Variants in TTC17 observed in about 807,000 individuals in gnomAD.
The protein encoded by TTC17 is tetratricopeptide repeat protein 17.
Under a neutral mutation model 143.8 loss-of-function variants are expected in TTC17, and 58 were observed. The observed-to-expected ratio is 0.40, with a 90% CI of 0.33 to 0.50. TTC17 has a LOEUF of 0.50. Ranked by LOEUF, TTC17 falls within the 20% of genes least tolerant of loss-of-function variation. The pLI, the probability that TTC17 is intolerant of heterozygous loss-of-function variation, is 0.49. For missense variants in TTC17, 1,273 were observed against 1,392.5 expected (o/e 0.91, Z 1.37); for synonymous variants, 501 against 497.8 (o/e 1.01, Z -0.09).
intron 2 of TTC17, among the ~76,000 whole-genome samples, chr11:43,383,406 C>T (rs1280435744): frequency 1.3e-5 from 2 of 152,100 alleles, no homozygotes; most frequent in Non-Finnish European, 2.9e-5. Flanking sequence ...GGCTGGGGTG[C>T]GATGGCGCAA....
At chr11:43,433,259 A>G (rs1484327934) in intron 16 of TTC17, among the ~76,000 whole-genome samples, 1 of 152,148 alleles carries the variant, frequency 6.6e-6, no homozygotes, top group Non-Finnish European at 1.5e-5. Context: ...TCAGCCTCCC[A>G]AAGTGCTGGA....
intron 15 of TTC17, among the ~76,000 whole-genome samples, chr11:43,414,136 T>C (rs1488880189): frequency 1.3e-5 from 2 of 152,130 alleles, no homozygotes; most frequent in East Asian, 3.9e-4. Flanking sequence ...GAAGCATGAA[T>C]GAATTTTAGA....
At chr11:43,444,617 A>G (rs1407632320) in intron 18 of TTC17, 2 of 156,730 alleles carry the variant, frequency 1.3e-5, no homozygotes, top group Non-Finnish European at 2.8e-5. Flanking sequence ...ATATATGATA[A>G]GCAGAGGGTA....
At chr11:43,368,452 A>T (rs926312451) in intron 1 of TTC17, among the ~76,000 whole-genome samples, 5 of 152,114 alleles carry the variant, frequency 3.3e-5, no homozygotes, top group Admixed American at 2.6e-4. Context: ...AAATTTTGGT[A>T]TCTTCTTGAC....
chr11:43,470,451 A>G (rs1309110586), intron 21 of TTC17, among the ~76,000 whole-genome samples: 3 of 152,222 alleles, frequency 2.0e-5, no homozygotes, highest in Non-Finnish European at 2.9e-5. Context: ...GGAGAGGGAC[A>G]TGGCTTGGCT....
chr11:43,477,838 TTGA>T (rs1423672852), intron 21 of TTC17, among the ~76,000 whole-genome samples: 5 of 152,130 alleles, frequency 3.3e-5, no homozygotes, highest in Non-Finnish European at 7.4e-5. Flanking sequence ...GGATAAGCAA[TTGA>T]TGAGGGAAAG....
chr11:43,461,370 G>A (rs1369060217), intron 21 of TTC17, among the ~76,000 whole-genome samples: 7 of 115,692 alleles, frequency 6.1e-5, no homozygotes, highest in South Asian at 2.8e-4. Context: ...CGGCCTGGGC[G>A]ACAGAGCGAA....
intron 15 of TTC17, among the ~76,000 whole-genome samples, chr11:43,408,751 T>G (rs555448964): frequency 6.6e-6 from 1 of 152,132 alleles, no homozygotes. Context: ...ATACCTTTTT[T>G]TTTTCTTTGA....
chr11:43,476,708 A>C (rs1476311603), intron 21 of TTC17, among the ~76,000 whole-genome samples: 1 of 152,224 alleles, frequency 6.6e-6, no homozygotes, highest in East Asian at 1.9e-4. Flanking sequence ...TGCACGCAGC[A>C]CGGGGACCCT....
chr11:43,425,143 C>A (rs1946996512), intron 16 of TTC17, among the ~76,000 whole-genome samples: 1 of 152,018 alleles, frequency 6.6e-6, no homozygotes, highest in Admixed American at 6.6e-5. Context: ...AGCATTTATA[C>A]AACTCTTCTC....
intron 21 of TTC17, among the ~76,000 whole-genome samples, chr11:43,467,537 T>C (rs1392360060): frequency 1.3e-5 from 2 of 152,206 alleles, no homozygotes; most frequent in Non-Finnish European, 1.5e-5. Context: ...TGAAAAGTTG[T>C]TTAATGGATA....
intron 16 of TTC17, among the ~76,000 whole-genome samples, chr11:43,436,620 C>T (rs2134702903): frequency 6.6e-6 from 1 of 152,204 alleles, no homozygotes; most frequent in East Asian, 1.9e-4. Context: ...AGATAAGTTG[C>T]TTTTACATTA....
Position 43,436,187 on chromosome 11 carries a change from G to C in TTC17, c.2252-7138G>C, listed in dbSNP as rs151244283. The C allele has an allele frequency of 1.2e-4, 173 of 1,430,192 alleles. 2 individuals are homozygous for C. In the East Asian group the frequency reaches 4.3e-3, roughly 36 times the overall value. 88.6% of individuals were successfully genotyped at this position (1,430,192 alleles called of 1,614,324 possible). ...AGGTAATTGTCATGAGAAAACCCTGGACAACAGCCATGACAAACAGAAATA... is the reference window on the plus strand; with the variant it reads ...AGGTAATTGTCATGAGAAAACCCTGCACAACAGCCATGACAAACAGAAATA... On this transcript the variant is annotated intron_variant, in intron 16 of 23. Coordinates refer to ENST00000039989, the MANE Select transcript of TTC17 (RefSeq NM_018259.6).
rs1330599536 is a variant in TTC17 at position 43,414,612 on chromosome 11, G to C, written c.2087G>C (p.Gly696Ala). Reference sequence around the variant, plus strand: ...CAGCCTCTGACCTTTTTGAGCCTGGGAAATGCTTACCTTGCTCTGAAGAAT... The same window carrying C: ...CAGCCTCTGACCTTTTTGAGCCTGGCAAATGCTTACCTTGCTCTGAAGAAT... ...SSEPLTFLSL[G>A]NAYLALKNIS... Residue 696 changes from glycine (G) to alanine (A), a missense_variant, in exon 16 of 24, where the codon GGA becomes GCA. Transcript: ENST00000039989. The C allele has an allele frequency of 3.7e-6, 6 of 1,603,718 alleles. No homozygotes were observed. The highest frequency in any genetic ancestry group is 5.1e-6 in the Non-Finnish European group (6 of 1,176,264).
In TTC17 at chr11:43,494,051, GGTTT is replaced by G. The variant is rs1446100324; in HGVS notation, c.*152_*155del. On this transcript the variant is annotated 3_prime_UTR_variant, in exon 24 of 24. Transcript: ENST00000039989. ...CAGGACTTTTACATATGTGGGAATT[GGTTT>G]GTTTTTGTTTTTACGTTTCTCCTTT... The G allele has an allele frequency of 2.4e-6, 3 of 1,225,042 alleles. No individual in the cohort carries two copies. Among genetic ancestry groups the G allele is most frequent in the Non-Finnish European group, 3.3e-6 (3 of 915,328 alleles). 75.9% of individuals were successfully genotyped at this position (1,225,042 alleles called of 1,614,324 possible).
intron 14 of TTC17, 41 bp downstream of exon 14, chr11:43,407,256 T>C: frequency 1.3e-6 from 2 of 1,558,382 alleles, no homozygotes; most frequent in East Asian, 2.2e-5. Context: ...TAAATGCTTC[T>C]TAATTATAAG....
intron 5 of TTC17, chr11:43,396,036 C>G (rs886185567): frequency 2.0e-5 from 3 of 151,868 alleles, no homozygotes; most frequent in Non-Finnish European, 4.4e-5. Context: ...GTCAAATTGT[C>G]CCCCAGAAAT....
chr11:43,361,300 C>T (rs938219064), intron 1 of TTC17, among the ~76,000 whole-genome samples: 4 of 152,142 alleles, frequency 2.6e-5, no homozygotes, highest in African/African-American at 9.7e-5. Flanking sequence ...ATATATATTG[C>T]AGATTTGTAC....
At chr11:43,464,261 T>C (rs1947927801) in intron 21 of TTC17, among the ~76,000 whole-genome samples, 1 of 148,606 alleles carries the variant, frequency 6.7e-6, no homozygotes, top group Non-Finnish European at 1.5e-5. Context: ...GCTTGGGCGA[T>C]AGAGTGAGAC....
Sources: gnomAD v4.1 joint callset for allele counts (sites outside exome capture counted in the v4.1 genomes callset) on GRCh38, gnomAD v4.1.1 for gene constraint, MANE v1.5 for transcripts, NCBI Gene and HGNC (gene_info 2026-07-23, HGNC 2026-07-21) for gene names.